COL4A2: variants seen among roughly 807,000 people sequenced by gnomAD.
COL4A2 encodes the protein collagen type IV alpha 2 chain, also known as collagen alpha-2(IV) chain.
COL4A2 carries 99 observed loss-of-function variants against 200.2 expected under a neutral mutation model. The ratio of observed to expected loss-of-function variants is 0.49; its 90% CI spans 0.42 to 0.58. The LOEUF is 0.58. Among genes scored for constraint, COL4A2 ranks in the 20% least tolerant of loss-of-function variants. The pLI is 0.00. For synonymous variants in COL4A2, 897 were observed against 900.6 expected (o/e 1.00, Z 0.07); for missense variants, 1,950 against 2,314.1 (o/e 0.84, Z 3.23).
intron 16 of COL4A2, among the ~76,000 whole-genome samples, chr13:110,442,322 C>T (rs1881158864): frequency 6.6e-6 from 1 of 152,196 alleles, no homozygotes; most frequent in African/African-American, 2.4e-5. Context: ...TACAGGGAGG[C>T]AGTTTACTCA....
intron 3 of COL4A2, among the ~76,000 whole-genome samples, chr13:110,326,888 C>T (rs956879972): frequency 5.3e-5 from 8 of 152,226 alleles, no homozygotes; most frequent in African/African-American, 9.6e-5. Context: ...GGCAGTCACC[C>T]GCCCGCTCAA....
rs1883879741 is a variant in COL4A2, at chr13:110,506,424, G to A, written c.4412G>A (p.Gly1471Asp). 1 of 1,609,828 alleles carries A rather than the reference G, an allele frequency of 6.2e-7. No individual in the cohort carries two copies. The highest frequency in any genetic ancestry group is 8.5e-7 in the Non-Finnish European group (1 of 1,178,806). Residue 1471 changes from glycine (G) to aspartate (D), a missense_variant, in exon 46 of 48, where the codon GGC (glycine) becomes GAC (aspartate). Physicochemically the swap from Gly to Asp is moderately conservative, Grantham distance 94 (BLOSUM62 -1). This residue lies in a region of COL4A2 where 1,385 missense variants were observed against 1,720.5 expected (regional missense o/e 0.80). Transcript: ENST00000360467. ...CTTTCTCGGGCTGCAGGTGCACCAG[G>A]CCGTCCAGGGAGCCCGGGCCTGCCG... Reference protein sequence around the residue: ...QGPIGQEGAPGRPGSPGLPGM... With the variant: ...QGPIGQEGAPDRPGSPGLPGM...
At chr13:110,507,577 C>T (rs777933262) in intron 46 of COL4A2, 3 of 295,080 alleles carry the variant, frequency 1.0e-5, no homozygotes, top group Non-Finnish European at 1.9e-5. Flanking sequence ...GGTCAAAGAG[C>T]GACCCCTTGG....
At position 110,504,234 on chromosome 13, in the gene COL4A2, A is replaced by C; in HGVS notation, c.4372A>C (p.Ile1458Leu). ...CGGCTTCCGGGGAGATGAAGGACCC[A>C]TAGGCCACCAGGGGCCGATTGGCCA... ...VPGFRGDEGP[I>L]GHQGPIGQEG... The change falls in exon 45 of 48, where the codon ATA (isoleucine) becomes CTA (leucine). Residue 1458 changes from isoleucine to leucine, a missense_variant. This residue lies in a region of COL4A2 where 1,385 missense variants were observed against 1,720.5 expected (regional missense o/e 0.80). Coordinates refer to ENST00000360467, the MANE Select transcript of COL4A2 (RefSeq NM_001846.4). 2 of 1,614,072 alleles carry C rather than the reference A, an allele frequency of 1.2e-6. No individual in the cohort carries two copies. The highest frequency in any genetic ancestry group is 1.7e-6 in the Non-Finnish European group (2 of 1,180,008).
At chr13:110,414,565 G>A (rs1251070454) in intron 4 of COL4A2, among the ~76,000 whole-genome samples, 2 of 152,196 alleles carry the variant, frequency 1.3e-5, no homozygotes, top group African/African-American at 2.4e-5. Context: ...GCCCCCAGGT[G>A]ACTCTCACGC....
In COL4A2 at chr13:110,311,423, G is replaced by A. The variant is rs532143250; in HGVS notation, c.99+3300G>A. Among the ~76,000 whole-genome samples, 27 of 152,304 alleles carry A rather than the reference G, an allele frequency of 1.8e-4. No homozygotes were observed. The South Asian group carries it at 1.9e-3, about 11-fold the overall frequency. ...CCATCCCAGACTTGAGGCAGGTGAC[G>A]GGGTGCAGTTCTCAGTCTGGTGGGC... On this transcript the variant is annotated intron_variant, in intron 3 of 47. Transcript: ENST00000360467.
chr13:110,320,828 C>T (rs1885256247), intron 3 of COL4A2, among the ~76,000 whole-genome samples: 1 of 152,168 alleles, frequency 6.6e-6, no homozygotes, highest in Non-Finnish European at 1.5e-5. Context: ...TGAGAGAGAA[C>T]AAAAGGCTAC....
intron 4 of COL4A2, among the ~76,000 whole-genome samples, chr13:110,394,280 T>C (rs945611612): frequency 5.3e-5 from 8 of 152,212 alleles, no homozygotes; most frequent in African/African-American, 1.4e-4. Context: ...TGTAATTAAC[T>C]CACTTATTAC....
chr13:110,424,797 G>A lies in COL4A2; in HGVS notation c.244G>A (p.Gly82Arg). 2 of 1,613,664 alleles carry A rather than the reference G, an allele frequency of 1.2e-6. No individual in the cohort carries two copies. Among genetic ancestry groups the A allele is most frequent in the Non-Finnish European group, 1.7e-6 (2 of 1,179,588 alleles). Residue 82 changes from glycine (G) to arginine (R), a missense_variant, in exon 5 of 48, where the codon GGA (glycine) becomes AGA (arginine). Coordinates refer to ENST00000360467, the MANE Select transcript of COL4A2 (RefSeq NM_001846.4). ...NGPPGLQGFP[G>R]LQGRKGDKGE... is the part of the protein sequence containing the mutation. ...GCCACCAGGATTACAAGGATTCCCG[G>A]GACTGCAGGGACGTAAAGGAGACAA...
At chr13:110,364,781 C>T (rs1418845816) in intron 4 of COL4A2, among the ~76,000 whole-genome samples, 1 of 152,180 alleles carries the variant, frequency 6.6e-6, no homozygotes, top group East Asian at 1.9e-4. Context: ...TCCCCAGATC[C>T]TCCCTCTACC....
intron 11 of COL4A2, among the ~76,000 whole-genome samples, chr13:110,432,812 C>T (rs1357150102): frequency 6.6e-6 from 1 of 152,192 alleles, no homozygotes; most frequent in Admixed American, 6.5e-5. Flanking sequence ...GGGATATATT[C>T]AGTGATAATC....
At chr13:110,473,479 T>C (rs1428801985) in intron 29 of COL4A2, 1 of 292,782 alleles carries the variant, frequency 3.4e-6, no homozygotes, top group Non-Finnish European at 6.3e-6. Context: ...TCTGTACAGG[T>C]GGTATGAAGA....
intron 4 of COL4A2, among the ~76,000 whole-genome samples, chr13:110,411,383 T>A (rs1044874447): frequency 5.3e-5 from 8 of 152,248 alleles, no homozygotes; most frequent in Non-Finnish European, 1.0e-4. Flanking sequence ...AGGTTATGTC[T>A]AAATATTTCC....
At chr13:110,351,361 C>T (rs1876954038) in intron 3 of COL4A2, among the ~76,000 whole-genome samples, 1 of 152,118 alleles carries the variant, frequency 6.6e-6, no homozygotes, top group Non-Finnish European at 1.5e-5. Flanking sequence ...AGGCATGAGC[C>T]CCCGCACCCA....
chr13:110,456,800 C>G, intron 20 of COL4A2: 1 of 481,572 alleles, frequency 2.1e-6, no homozygotes, highest in Non-Finnish European at 4.3e-6. Flanking sequence ...TGCCGGGCAC[C>G]CATGGTGCCG....
Position 110,400,972 on chromosome 13 carries a change from C to T in COL4A2, c.181-23762C>T, listed in dbSNP as rs373800485. Among the ~76,000 whole-genome samples the T allele has an allele frequency of 6.1e-4, 93 of 152,322 alleles. 1 individual carries two copies. The South Asian group carries it at 0.015, about 24-fold the overall frequency. ...GCTTCCATTGCCTCCTAACAGAAAACATCTGCTGGACTTCCGGAATTTTCC... is the reference window on the plus strand; with the variant it reads ...GCTTCCATTGCCTCCTAACAGAAAATATCTGCTGGACTTCCGGAATTTTCC... On this transcript the variant is annotated intron_variant, in intron 4 of 47. Transcript: ENST00000360467.
At chr13:110,314,665 G>T (rs568900190) in intron 3 of COL4A2, among the ~76,000 whole-genome samples, 57 of 152,318 alleles carry the variant, frequency 3.7e-4, no homozygotes, top group Non-Finnish European at 6.3e-4. Context: ...AGATGGAAGG[G>T]CAGGCTTGTA....
At chr13:110,391,886 C>G (rs982459239) in intron 4 of COL4A2, among the ~76,000 whole-genome samples, 1 of 152,222 alleles carries the variant, frequency 6.6e-6, no homozygotes, top group East Asian at 1.9e-4. Flanking sequence ...CTGAAAATCT[C>G]ACTTTGCTTT....
chr13:110,450,407 G>T lies in COL4A2; in HGVS notation c.1292G>T (p.Arg431Leu). 6.2e-7 allele frequency: 1 copy of T among 1,614,036 alleles called. No individual in the cohort carries two copies. ...GGCCCACCTGGACCTGATGGAAAGC[G>T]AGGGCCTCCAGGACCCCCCGGGCTC... is the stretch of plus-strand genomic sequence containing the variant. ...YGGPPGPDGKRGPPGPPGLPG... is the reference protein window; with the variant it reads ...YGGPPGPDGKLGPPGPPGLPG... The change falls in exon 20 of 48, where the codon CGA becomes CTA. Residue 431 changes from arginine to leucine, a missense_variant. Arg to Leu is a moderately radical substitution (Grantham distance 102). Transcript: ENST00000360467.
Sources: gnomAD v4.1 joint callset for allele counts (sites outside exome capture counted in the v4.1 genomes callset) on GRCh38, gnomAD v4.1.1 for gene constraint, gnomAD v4.1.1 regional missense constraint, MANE v1.5 for transcripts, NCBI Gene and HGNC (gene_info 2026-07-23, HGNC 2026-07-21) for gene names.